Variants in AGPAT4 observed in about 807,000 individuals in gnomAD.
AGPAT4 encodes 1-acylglycerol-3-phosphate O-acyltransferase 4, also known as 1-acyl-sn-glycerol-3-phosphate acyltransferase delta.
In AGPAT4, 15 loss-of-function variants were observed where a neutral mutation model predicts 48.0. The observed-to-expected ratio is 0.31, with a 90% confidence interval of 0.21 to 0.48. The LOEUF (loss-of-function observed/expected upper bound fraction) is 0.48. Ranked by LOEUF, AGPAT4 falls within the 20% of genes least tolerant of loss-of-function variation. AGPAT4 has a pLI of 0.99. For missense variants in AGPAT4, 314 were observed against 482.5 expected (o/e 0.65, Z 3.27); for synonymous variants, 178 against 198.7 (o/e 0.90, Z 0.88).
At position 161,154,387 on chromosome 6, in the gene AGPAT4, T is replaced by A; in HGVS notation, c.349-77A>T. ...CTGCCGGGGCTGTTGGAGACTGAAG[T>A]AGAAAAAGAGGAGGGGACGTTCACA... On this transcript the variant is annotated intron_variant, in intron 3 of 8. Coordinates refer to ENST00000320285, the MANE Select transcript of AGPAT4 (RefSeq NM_020133.3). This position sits in a 1 kb window ranked among gnomAD's most constrained non-coding sequence, Gnocchi z 7.8. 6.4e-7 allele frequency: 1 copy of A among 1,562,684 alleles called. No individual in the cohort carries two copies. Among genetic ancestry groups the A allele is most frequent in the Admixed American group, 1.8e-5 (1 of 55,740 alleles).
In AGPAT4 at chr6:161,232,148, A is replaced by G; in HGVS notation, c.66T>C (p.Ile22=). ...LCHLVFCYVF[I]ASGLIINTIQ... ...TGGTGTTGATGATTAGCCCTGAGGC[A>G]ATAAAGACGTAGCAGAAGACCAGGT... is the stretch of plus-strand genomic sequence containing the variant. Residue 22 remains isoleucine (I), a synonymous_variant, in exon 2 of 9, where the codon ATT becomes ATC. Coordinates refer to ENST00000320285, the MANE Select transcript of AGPAT4 (RefSeq NM_020133.3). The surrounding 1 kb of genome is among the most constrained non-coding windows in gnomAD (Gnocchi z 6.8). 1.2e-6 allele frequency: 2 copies of G among 1,614,196 alleles called. No homozygotes were observed. Among genetic ancestry groups the G allele is most frequent in the Non-Finnish European group, 8.5e-7 (1 of 1,180,040 alleles).
rs1424733820 is a variant in AGPAT4, at chr6:161,161,047, T to C, written c.348+5201A>G. 1 of 456,714 alleles carries C rather than the reference T, an allele frequency of 2.2e-6. No individual in the cohort carries two copies. The highest frequency in any genetic ancestry group is 4.4e-6 in the Non-Finnish European group (1 of 226,974). 28.3% of individuals were successfully genotyped at this position (456,714 alleles called of 1,614,324 possible). A position where few individuals can be genotyped will look rare whatever the true frequency, so the allele number is the denominator to read the frequency against. On this transcript the variant is annotated intron_variant, in intron 3 of 8. Transcript: ENST00000320285. The surrounding 1 kb of genome is among the most constrained non-coding windows in gnomAD (Gnocchi z 4.6). ...GAAAGGGGGACAGTTCATGGGATGA[T>C]ACCAAGTCGGTGTACAGCAGACAGC...
At chr6:161,253,043 G>A (rs1033584110) in intron 1 of AGPAT4, among the ~76,000 whole-genome samples, 8 of 151,170 alleles carry the variant, frequency 5.3e-5, no homozygotes, top group East Asian at 2.0e-4. Context: ...GTGAAACCCC[G>A]TCTCTACTAA....
In AGPAT4 at chr6:161,234,190, C is replaced by T. The variant is rs9456645; in HGVS notation, c.-89-1888G>A. 0.2 allele frequency among the ~76,000 whole-genome samples: 30,326 copies of T among 152,044 alleles called. 3,269 individuals are homozygous for T. The highest frequency in any genetic ancestry group is 0.24 in the Non-Finnish European group (16,295 of 67,954). ...TGCAGGTTGGCTCTGAGGATGGTTTCGGGCATATGGAGAGTCACAGGGAGG... is the reference window on the plus strand; with the variant it reads ...TGCAGGTTGGCTCTGAGGATGGTTTTGGGCATATGGAGAGTCACAGGGAGG... On this transcript the variant is annotated intron_variant, in intron 1 of 8. Transcript: ENST00000320285. The surrounding 1 kb of genome is among the most constrained non-coding windows in gnomAD (Gnocchi z 4.4).
chr6:161,209,711 C>A (rs996774604), intron 2 of AGPAT4, among the ~76,000 whole-genome samples: 4 of 152,178 alleles, frequency 2.6e-5, no homozygotes, highest in Non-Finnish European at 5.9e-5. Context: ...CGGAATGGGT[C>A]CTCATTTGTC....
chr6:161,185,799 G>C (rs983630872), intron 2 of AGPAT4, among the ~76,000 whole-genome samples: 10 of 152,180 alleles, frequency 6.6e-5, no homozygotes, highest in African/African-American at 2.2e-4. Flanking sequence ...AGCCGGAAGA[G>C]AGACAAAGAC....
chr6:161,202,031 C>A lies in AGPAT4; in HGVS notation c.178+30005G>T, dbSNP rs1781252225. ...TCCTCCTCCAGGAAGTCTACCTGAC[C>A]CGGGAACCTGGACAAGGTGGCTCTC... On this transcript the variant is annotated intron_variant, in intron 2 of 8. Transcript: ENST00000320285. The surrounding 1 kb of genome is among the most constrained non-coding windows in gnomAD (Gnocchi z 5.4). Among the ~76,000 whole-genome samples the A allele has an allele frequency of 6.6e-6, 1 of 152,174 alleles. No individual in the cohort carries two copies. The highest frequency in any genetic ancestry group is 1.5e-5 in the Non-Finnish European group (1 of 68,024).
rs1171238366 is a variant in AGPAT4 at position 161,219,880 on chromosome 6, CAGGCAGGCAGGCA to C, written c.178+12143_178+12155del. 2.0e-5 allele frequency among the ~76,000 whole-genome samples: 2 copies of C among 99,310 alleles called. No individual in the cohort carries two copies. The highest frequency in any genetic ancestry group is 7.1e-5 in the African/African-American group (2 of 28,124). The allele number at this position is 99,310 out of a possible 152,430, so 65.2% of individuals were successfully genotyped here. A position where few individuals can be genotyped will look rare whatever the true frequency, so the allele number is the denominator to read the frequency against. ...ATAGATAGATAGATAGATAGGCAGG[CAGGCAGGCAGGCA>C]GGCAGGCAGGCAGGCAGGCAGGCGG... On this transcript the variant is annotated intron_variant, in intron 2 of 8. Transcript: ENST00000320285. This position sits in a 1 kb window ranked among gnomAD's most constrained non-coding sequence, Gnocchi z 4.9.
In AGPAT4 at chr6:161,189,778, C is replaced by T. The variant is rs894804872; in HGVS notation, c.179-23361G>A. On this transcript the variant is annotated intron_variant, in intron 2 of 8. Transcript: ENST00000320285. The surrounding 1 kb of genome is among the most constrained non-coding windows in gnomAD (Gnocchi z 5.3). ...CTCCACCCAAAAAAGGGCTGAATGC[C>T]AACCTGAAATGTGGTTCTCTGAGTA... Among the ~76,000 whole-genome samples the T allele has an allele frequency of 6.6e-6, 1 of 152,170 alleles. No individual in the cohort carries two copies. The highest frequency in any genetic ancestry group is 1.5e-5 in the Non-Finnish European group (1 of 68,034).
intron 1 of AGPAT4, among the ~76,000 whole-genome samples, chr6:161,273,649 A>G (rs1426577844): frequency 6.6e-6 from 1 of 152,072 alleles, no homozygotes; most frequent in Non-Finnish European, 1.5e-5. Context: ...TGGGTAAATG[A>G]AGCCAGGAAC....
rs1309827089 is a variant in AGPAT4, at chr6:161,201,629, C to G, written c.178+30407G>C. Reference sequence around the variant, plus strand: ...GCATTTGCATCATTGCAACTTGTTACAATGCAGATTCCTAGATCTGGAGAG... The same window carrying G: ...GCATTTGCATCATTGCAACTTGTTAGAATGCAGATTCCTAGATCTGGAGAG... On this transcript the variant is annotated intron_variant, in intron 2 of 8. Coordinates refer to ENST00000320285, the MANE Select transcript of AGPAT4 (RefSeq NM_020133.3). This position sits in a 1 kb window ranked among gnomAD's most constrained non-coding sequence, Gnocchi z 6.0. Among the ~76,000 whole-genome samples, 1 of 152,214 alleles carries G rather than the reference C, an allele frequency of 6.6e-6. No individual in the cohort carries two copies. Among genetic ancestry groups the G allele is most frequent in the African/African-American group, 2.4e-5 (1 of 41,450 alleles).
At chr6:161,224,199 C>T (rs1367352828) in intron 2 of AGPAT4, among the ~76,000 whole-genome samples, 3 of 152,148 alleles carry the variant, frequency 2.0e-5, no homozygotes, top group East Asian at 3.8e-4. Context: ...TTGTCCTATA[C>T]ATAAAGCTTT....
Position 161,264,347 on chromosome 6 carries a change from C to A in AGPAT4, c.-90+9591G>T, listed in dbSNP as rs954203451. Among the ~76,000 whole-genome samples, 1 of 152,130 alleles carries A rather than the reference C, an allele frequency of 6.6e-6. No individual in the cohort carries two copies. The highest frequency in any genetic ancestry group is 1.5e-5 in the Non-Finnish European group (1 of 68,032). The stretch of plus-strand genomic sequence containing the variant: ...TCCTGCCACGCCAGCCCACCTCATT[C>A]CTCTGTGGTCTAGGAAAACTCCAGC... On this transcript the variant is annotated intron_variant, in intron 1 of 8. Coordinates refer to ENST00000320285, the MANE Select transcript of AGPAT4 (RefSeq NM_020133.3). This position sits in a 1 kb window ranked among gnomAD's most constrained non-coding sequence, Gnocchi z 6.8.
intron 2 of AGPAT4, among the ~76,000 whole-genome samples, chr6:161,207,420 C>T (rs986956094): frequency 6.6e-5 from 10 of 152,138 alleles, no homozygotes; most frequent in African/African-American, 1.4e-4. Context: ...CCATGCAGCA[C>T]GCTGGGCCAT....
intron 1 of AGPAT4, among the ~76,000 whole-genome samples, chr6:161,241,263 C>CAAA (rs61634719): frequency 3.3e-5 from 3 of 90,458 alleles, no homozygotes; most frequent in Non-Finnish European, 4.6e-5. Context: ...AACTCTGTCT[C>CAAA]AAAAAAAAAA....
chr6:161,243,083 T>TA lies in AGPAT4; in HGVS notation c.-89-10782dup, dbSNP rs1480944206. On this transcript the variant is annotated intron_variant, in intron 1 of 8. Transcript: ENST00000320285. This position sits in a 1 kb window ranked among gnomAD's most constrained non-coding sequence, Gnocchi z 4.8. ...GTCTCAAAAAAATTTTTTTTTAATT[T>TA]AAAAAAAAATGAAACTTTTTCAAAC... 1.8e-3 allele frequency among the ~76,000 whole-genome samples: 268 copies of TA among 151,016 alleles called. 1 individual carries two copies. The highest frequency in any genetic ancestry group is 6.0e-3 in the African/African-American group (246 of 41,174).
chr6:161,180,006 C>A lies in AGPAT4; in HGVS notation c.179-13589G>T, dbSNP rs185406185. ...GACAGGAAAGAAATTAAGAAGCATGCCCTGAATCCACTTCTAGGCAGCCCT... is the reference window on the plus strand; with the variant it reads ...GACAGGAAAGAAATTAAGAAGCATGACCTGAATCCACTTCTAGGCAGCCCT... On this transcript the variant is annotated intron_variant, in intron 2 of 8. Transcript: ENST00000320285. The surrounding 1 kb of genome is among the most constrained non-coding windows in gnomAD (Gnocchi z 6.4). 5.1e-4 allele frequency among the ~76,000 whole-genome samples: 78 copies of A among 152,268 alleles called. 2 individuals are homozygous for A. The East Asian group carries it at 9.5e-3, about 18-fold the overall frequency.
intron 1 of AGPAT4, among the ~76,000 whole-genome samples, chr6:161,241,795 C>G (rs1386249295): frequency 2.0e-5 from 3 of 152,210 alleles, no homozygotes; most frequent in Non-Finnish European, 4.4e-5. Flanking sequence ...TGCAGTGGCA[C>G]AATCTCGGCT....
rs1255113831 is a variant in AGPAT4 at position 161,154,624 on chromosome 6, C to T, written c.349-314G>A. On this transcript the variant is annotated intron_variant, in intron 3 of 8. Coordinates refer to ENST00000320285, the MANE Select transcript of AGPAT4 (RefSeq NM_020133.3). This position sits in a 1 kb window ranked among gnomAD's most constrained non-coding sequence, Gnocchi z 7.8. ...TTCAGGGTCCTGACGATGCTCCCAC[C>T]ACCATCCAAACGGTTTCTAGGTTAT... is the stretch of plus-strand genomic sequence containing the variant. 6.6e-6 allele frequency among the ~76,000 whole-genome samples: 1 copy of T among 152,198 alleles called. No individual in the cohort carries two copies. Among genetic ancestry groups the T allele is most frequent in the Non-Finnish European group, 1.5e-5 (1 of 68,042 alleles).
Sources: allele counts gnomAD v4.1 joint callset (sites outside exome capture counted in the v4.1 genomes callset), GRCh38; gene constraint gnomAD v4.1.1; non-coding constraint Gnocchi (gnomAD v3.1); transcripts MANE v1.5; gene names NCBI Gene and HGNC (gene_info 2026-07-23, HGNC 2026-07-21).